The following IGSF9B variants were observed in gnomAD, a reference collection of about 807,000 sequenced individuals.
The protein encoded by IGSF9B is protein turtle homolog B.
A neutral mutation model predicts 143.7 loss-of-function variants in IGSF9B; 48 were observed. That is an observed-to-expected ratio of 0.33 (90% CI 0.26 to 0.42). IGSF9B has a LOEUF of 0.42. IGSF9B is among the 20% of genes least tolerant of loss of function. The pLI is 1.00. For missense variants in IGSF9B, 1,706 were observed against 1,980.0 expected (o/e 0.86, Z 2.63); for synonymous variants, 903 against 833.1 (o/e 1.08, Z -1.44).
At chr11:133,935,873 C>T in intron 6 of IGSF9B, 111 bp from the exon 7 acceptor site, 3 of 1,435,458 alleles carry the variant, frequency 2.1e-6, no homozygotes, top group South Asian at 2.7e-5. Context: ...ATGCCCCTGG[C>T]ATCCCCAGGG....
Position 133,909,296 on chromosome 11 carries a change from G to C in IGSF9B, c.4106-19C>G. On this transcript the variant is annotated intron_variant, in intron 19 of 19. Coordinates refer to ENST00000533871, the MANE Select transcript of IGSF9B (RefSeq NM_001277285.4). The surrounding 1 kb of genome is among the most constrained non-coding windows in gnomAD (Gnocchi z 4.2). ...GAATCGTCTAGGAAGAAAGGAAGAG[G>C]GACGCAAAAGAGAAGCAAGCGGATG... 1 of 1,524,590 alleles carries C rather than the reference G, an allele frequency of 6.6e-7. No individual in the cohort carries two copies. Among genetic ancestry groups the C allele is most frequent in the South Asian group, 1.2e-5 (1 of 83,806 alleles). 94.4% of individuals were successfully genotyped at this position (1,524,590 alleles called of 1,614,324 possible).
chr11:133,938,743 C>G (rs1017413141), intron 3 of IGSF9B, among the ~76,000 whole-genome samples: 9 of 152,084 alleles, frequency 5.9e-5, no homozygotes, highest in African/African-American at 1.9e-4. Flanking sequence ...CCCGGAGGCC[C>G]ACGGCACTAG....
intron 7 of IGSF9B, among the ~76,000 whole-genome samples, 158 bp downstream of exon 7, chr11:133,935,459 C>G (rs1025016359): frequency 1.3e-5 from 2 of 152,222 alleles, no homozygotes; most frequent in African/African-American, 4.8e-5. Context: ...AGGGCCTCGG[C>G]CTCCTCTCCA....
chr11:133,925,981 G>C lies in IGSF9B; in HGVS notation c.1808-16C>G, dbSNP rs563249612. ...ATAGGGAATGCTGCGGCGGGGGAAG[G>C]AGAAGAACCACAGCGCATCAGCGAG... On this transcript the variant is annotated splice_polypyrimidine_tract_variant and intron_variant, in intron 13 of 19. Coordinates refer to ENST00000533871, the MANE Select transcript of IGSF9B (RefSeq NM_001277285.4). 5 of 1,551,390 alleles carry C rather than the reference G, an allele frequency of 3.2e-6. No individual in the cohort carries two copies. Among genetic ancestry groups the C allele is most frequent in the East Asian group, 2.4e-5 (1 of 42,190 alleles).
chr11:133,918,075 G>A (rs1284715050), intron 18 of IGSF9B, among the ~76,000 whole-genome samples: 1 of 151,902 alleles, frequency 6.6e-6, no homozygotes, highest in African/African-American at 2.4e-5. Context: ...GCTGCAGCTA[G>A]GCGGTGCCGA....
chr11:133,899,343 A>G lies in IGSF9B; in HGVS notation c.*9726T>C, dbSNP rs565075307. 6.6e-6 allele frequency: 1 copy of G among 152,520 alleles called. No individual in the cohort carries two copies. Among genetic ancestry groups the G allele is most frequent in the African/African-American group, 2.4e-5 (1 of 41,584 alleles). 9.4% of individuals were successfully genotyped at this position (152,520 alleles called of 1,614,324 possible). A position where few individuals can be genotyped will look rare whatever the true frequency, so the allele number is the denominator to read the frequency against. The stretch of plus-strand genomic sequence containing the variant: ...AGCTGATCTCAATGACCTTTGCTCC[A>G]AGTGCCTTAAGGGCTGGCTCTTCAG... On this transcript the variant is annotated 3_prime_UTR_variant, in exon 20 of 20. Coordinates refer to ENST00000533871, the MANE Select transcript of IGSF9B (RefSeq NM_001277285.4).
intron 15 of IGSF9B, 116 bp downstream of exon 15, chr11:133,924,704 T>C (rs329670): frequency 0.88 from 727,355 of 826,014 alleles, 321,033 homozygotes; most frequent in East Asian, 0.98. Flanking sequence ...AACCAGGCAC[T>C]GCCTTAGTTT....
intron 18 of IGSF9B, among the ~76,000 whole-genome samples, chr11:133,916,797 C>T (rs913612855): frequency 2.6e-5 from 4 of 152,088 alleles, no homozygotes; most frequent in Admixed American, 6.5e-5. Context: ...GGCTCCCACA[C>T]CTCCGGGGGC....
chr11:133,953,348 C>G lies in IGSF9B; in HGVS notation c.64+3343G>C, dbSNP rs1217626058. Among the ~76,000 whole-genome samples, 1 of 152,156 alleles carries G rather than the reference C, an allele frequency of 6.6e-6. No homozygotes were observed. The highest frequency in any genetic ancestry group is 1.5e-5 in the Non-Finnish European group (1 of 68,022). On this transcript the variant is annotated intron_variant, in intron 1 of 19. Coordinates refer to ENST00000533871, the MANE Select transcript of IGSF9B (RefSeq NM_001277285.4). This position sits in a 1 kb window ranked among gnomAD's most constrained non-coding sequence, Gnocchi z 4.2. ...CCCTCAGCCAAGCCCTTCTCACATC[C>G]CCGTCTCCCCAGCTTCCCACAGGGC...
intron 7 of IGSF9B, among the ~76,000 whole-genome samples, chr11:133,934,467 G>A (rs953918605): frequency 6.6e-6 from 1 of 152,216 alleles, no homozygotes; most frequent in Admixed American, 6.5e-5. Context: ...CCCGCTGCAG[G>A]TCTGGGGAGT....
intron 7 of IGSF9B, among the ~76,000 whole-genome samples, chr11:133,933,854 C>A (rs1215355138): frequency 6.6e-6 from 1 of 152,138 alleles, no homozygotes; most frequent in Non-Finnish European, 1.5e-5. Context: ...GGATCCAGAA[C>A]TAGGAAGGCA....
chr11:133,930,927 G>C (rs906105060), intron 11 of IGSF9B, 57 bp downstream of exon 11: 1 of 1,510,592 alleles, frequency 6.6e-7, no homozygotes, highest in Non-Finnish European at 8.9e-7. Flanking sequence ...CCAGCACCCC[G>C]CCCCCAGCCA....
intron 3 of IGSF9B, chr11:133,938,201 G>A (rs182310023): frequency 1.0e-3 from 514 of 502,392 alleles, no homozygotes; most frequent in Admixed American, 1.9e-3. Context: ...GGTCACCGAT[G>A]TTAACTGAGC....
chr11:133,901,736 C>A lies in IGSF9B; in HGVS notation c.*7333G>T, dbSNP rs935829047. On this transcript the variant is annotated 3_prime_UTR_variant, in exon 20 of 20. Transcript: ENST00000533871. The stretch of plus-strand genomic sequence containing the variant: ...GCAAAAGAGCCAAACAAAGGAGGGT[C>A]TCCTGGGCCTGACACTACGCAGGCA... 1 of 152,150 alleles carries A rather than the reference C, an allele frequency of 6.6e-6. No homozygotes were observed. The highest frequency in any genetic ancestry group is 1.5e-5 in the Non-Finnish European group (1 of 68,018). 9.4% of individuals were successfully genotyped at this position (152,150 alleles called of 1,614,324 possible).
At chr11:133,956,496 C>G (rs1316762011) in intron 1 of IGSF9B, among the ~76,000 whole-genome samples, 195 bp downstream of exon 1, 1 of 143,220 alleles carries the variant, frequency 7.0e-6, no homozygotes, top group African/African-American at 2.6e-5. Flanking sequence ...GCCCCTCCAG[C>G]CCACGGCCCC....
intron 1 of IGSF9B, chr11:133,952,118 A>T (rs1239427146): frequency 4.5e-6 from 2 of 448,762 alleles, no homozygotes; most frequent in African/African-American, 2.0e-5. Context: ...CTTTCTCCAG[A>T]GCCCTCTTGG....
intron 17 of IGSF9B, among the ~76,000 whole-genome samples, chr11:133,921,695 G>A (rs1011500185): frequency 3.3e-5 from 5 of 151,932 alleles, no homozygotes; most frequent in South Asian, 2.1e-4. Flanking sequence ...GAGCCGCCGC[G>A]CCCGGCCCCC....
intron 18 of IGSF9B, among the ~76,000 whole-genome samples, chr11:133,918,756 C>T (rs1015490419): frequency 4.6e-5 from 7 of 151,102 alleles, no homozygotes; most frequent in Admixed American, 1.3e-4. Flanking sequence ...ACTCTCTGCT[C>T]CCTCCACAGG....
rs938934020 is a variant in IGSF9B at position 133,953,806 on chromosome 11, G to C, written c.64+2885C>G. Among the ~76,000 whole-genome samples, 8 of 152,038 alleles carry C rather than the reference G, an allele frequency of 5.3e-5. No homozygotes were observed. Among genetic ancestry groups the C allele is most frequent in the African/African-American group, 1.9e-4 (8 of 41,400 alleles). On this transcript the variant is annotated intron_variant, in intron 1 of 19. Transcript: ENST00000533871. The surrounding 1 kb of genome is among the most constrained non-coding windows in gnomAD (Gnocchi z 4.2). ...ACTCCCCCGGGCTGGCTCAGCAGCCGTCTGAGATACTGAGTGCACACCAAT... is the reference window on the plus strand; with the variant it reads ...ACTCCCCCGGGCTGGCTCAGCAGCCCTCTGAGATACTGAGTGCACACCAAT...
Sources: gnomAD v4.1 joint callset for allele counts (sites outside exome capture counted in the v4.1 genomes callset) on GRCh38, gnomAD v4.1.1 for gene constraint, Gnocchi (gnomAD v3.1) non-coding constraint, MANE v1.5 for transcripts, NCBI Gene and HGNC (gene_info 2026-07-23, HGNC 2026-07-21) for gene names.